The following AKAP19 variants were observed in gnomAD, a reference collection of about 807,000 sequenced individuals.
AKAP19 encodes the protein small A-kinase anchoring protein.
At chr2:189,903,727 G>A in the AKAP19 span, among the ~76,000 whole-genome samples, 2 of 151,876 alleles carry the variant, frequency 1.3e-5, no homozygotes, top group African/African-American at 4.8e-5. Context: ...TTTGGGGTAT[G>A]GATAACATCA....
chr2:190,120,238 C>T, the AKAP19 span, among the ~76,000 whole-genome samples: 68 of 152,236 alleles, frequency 4.5e-4, 1 homozygote, highest in South Asian at 0.013. Flanking sequence ...GTTTCGCGCA[C>T]CTTATGAGAA....
chr2:189,946,201 C>T, the AKAP19 span, among the ~76,000 whole-genome samples: 1 of 152,062 alleles, frequency 6.6e-6, no homozygotes, highest in Non-Finnish European at 1.5e-5. Flanking sequence ...AATTAGAACC[C>T]TAAAGGATTA....
chr2:189,951,683 C>A, the AKAP19 span, among the ~76,000 whole-genome samples: 2 of 152,168 alleles, frequency 1.3e-5, no homozygotes, highest in East Asian at 3.9e-4. Context: ...TCTTCCAATA[C>A]CTAAAAGTCT....
the AKAP19 span, among the ~76,000 whole-genome samples, chr2:189,914,328 A>T: frequency 6.6e-6 from 1 of 152,144 alleles, no homozygotes; most frequent in Non-Finnish European, 1.5e-5. Context: ...AATACTACAG[A>T]GACAAATTCA....
the AKAP19 span, among the ~76,000 whole-genome samples, chr2:189,901,390 A>G: frequency 6.6e-6 from 1 of 152,032 alleles, no homozygotes; most frequent in Non-Finnish European, 1.5e-5. Context: ...CCAGGCTGGA[A>G]TGCAGTGGCG....
At chr2:190,043,411 T>C in the AKAP19 span, among the ~76,000 whole-genome samples, 2,761 of 152,302 alleles carry the variant, frequency 0.018, 41 homozygotes, top group Middle Eastern at 0.034. Context: ...TTTTTCTTTA[T>C]TTTTGGCTGT....
the AKAP19 span, among the ~76,000 whole-genome samples, chr2:190,077,351 AG>A: frequency 6.6e-6 from 1 of 151,976 alleles, no homozygotes. Context: ...TTGGGATTAC[AG>A]GTGCCTGCCA....
chr2:189,957,504 T>C, the AKAP19 span, among the ~76,000 whole-genome samples: 1 of 152,160 alleles, frequency 6.6e-6, no homozygotes, highest in Admixed American at 6.6e-5. Context: ...ATTTATTAGT[T>C]AGTCAGCTTG....
chr2:190,178,551 C>A, the AKAP19 span, among the ~76,000 whole-genome samples: 1 of 152,178 alleles, frequency 6.6e-6, no homozygotes, highest in Non-Finnish European at 1.5e-5. The surrounding 1 kb of genome is among the most constrained non-coding windows in gnomAD (Gnocchi z 6.3). Flanking sequence ...TAGGTCCTCC[C>A]TTAGTCATCC....
chr2:189,957,268 A>G, the AKAP19 span, among the ~76,000 whole-genome samples: 26 of 152,236 alleles, frequency 1.7e-4, 1 homozygote, highest in South Asian at 5.2e-3. Flanking sequence ...AACAAAATCT[A>G]TTTTCTCTGA....
the AKAP19 span, among the ~76,000 whole-genome samples, chr2:190,155,743 A>C: frequency 2.0e-5 from 3 of 152,208 alleles, no homozygotes; most frequent in African/African-American, 7.2e-5. Context: ...GGAGCTTTAG[A>C]ATAGTCATTG....
At chr2:189,959,313 C>A in the AKAP19 span, among the ~76,000 whole-genome samples, 1 of 152,018 alleles carries the variant, frequency 6.6e-6, no homozygotes, top group Non-Finnish European at 1.5e-5. Context: ...AGAAATAATG[C>A]TGTAAAAATG....
chr2:189,980,552 C>T, the AKAP19 span, among the ~76,000 whole-genome samples: 12 of 152,230 alleles, frequency 7.9e-5, 1 homozygote, highest in East Asian at 1.7e-3. Flanking sequence ...CCAGGCTGGT[C>T]TTGAACTCCT....
At chr2:189,963,430 C>T in the AKAP19 span, among the ~76,000 whole-genome samples, 12 of 152,104 alleles carry the variant, frequency 7.9e-5, no homozygotes, top group South Asian at 1.2e-3. Flanking sequence ...CTCCTGACCT[C>T]GTGATCTGCC....
At chr2:189,892,080 G>A in the AKAP19 span, among the ~76,000 whole-genome samples, 5 of 151,548 alleles carry the variant, frequency 3.3e-5, no homozygotes, top group East Asian at 1.9e-4. Flanking sequence ...TTTTCAGCTC[G>A]TCAGGTCATT....
chr2:189,993,299 A>G, the AKAP19 span, among the ~76,000 whole-genome samples: 55 of 152,258 alleles, frequency 3.6e-4, no homozygotes, highest in African/African-American at 1.3e-3. Context: ...AATTCTGTTT[A>G]TGTGATATAT....
chr2:189,939,171 TACTCC>T, the AKAP19 span, among the ~76,000 whole-genome samples: 1 of 152,208 alleles, frequency 6.6e-6, no homozygotes, highest in Non-Finnish European at 1.5e-5. Context: ...TCTGCTCTGT[TACTCC>T]ACCAAAGGAG....
At chr2:190,128,749 A>G in the AKAP19 span, among the ~76,000 whole-genome samples, 1 of 152,260 alleles carries the variant, frequency 6.6e-6, no homozygotes, top group Non-Finnish European at 1.5e-5. Context: ...ATACAAAACA[A>G]AACAAACAAC....
chr2:190,173,772 C>T, the AKAP19 span, among the ~76,000 whole-genome samples: 1 of 152,210 alleles, frequency 6.6e-6, no homozygotes, highest in Non-Finnish European at 1.5e-5. Context: ...CTGTTAACTT[C>T]CTTTAAAATT....
Sources: allele counts gnomAD v4.1 joint callset (sites outside exome capture counted in the v4.1 genomes callset), GRCh38; gene constraint gnomAD v4.1.1; non-coding constraint Gnocchi (gnomAD v3.1); transcripts MANE v1.5; gene names NCBI Gene and HGNC (gene_info 2026-07-23, HGNC 2026-07-21).